Variants in CEP120 observed in about 807,000 individuals in gnomAD.
CEP120 encodes centrosomal protein of 120 kDa.
CEP120 carries 113 observed loss-of-function variants against 126.5 expected under a neutral mutation model. That is an observed-to-expected ratio of 0.89 (90% CI 0.77 to 1.04). CEP120 has a LOEUF of 1.04. CEP120 is among the 50% of genes least tolerant of loss of function. The pLI is 0.00. For missense variants in CEP120, 1,230 were observed against 1,155.7 expected, an observed-to-expected ratio of 1.06 and a Z score of -0.93; for synonymous variants, 400 against 394.3, an observed-to-expected ratio of 1.01 and a Z score of -0.17.
intron 9 of CEP120, among the ~76,000 whole-genome samples, chr5:123,388,039 GTAT>G (rs1772139705): frequency 2.1e-5 from 1 of 47,804 alleles, no homozygotes; most frequent in African/African-American, 8.2e-5. Flanking sequence ...ACTTTGACTA[GTAT>G]TATTATTACT....
At chr5:123,348,314 A>G (rs571516449) in intron 19 of CEP120, among the ~76,000 whole-genome samples, 3 of 152,326 alleles carry the variant, frequency 2.0e-5, no homozygotes, top group East Asian at 1.9e-4. Flanking sequence ...GGCAACATGG[A>G]TATCTTTAAC....
Position 123,423,007 on chromosome 5 carries a change from T to G in CEP120, c.-9A>C. ...TCGGATTTGGAGACCATGGTTGCGG[T>G]GAGCGGTCCGGGGGCGAAGGCGGCT... On this transcript the variant is annotated 5_prime_UTR_variant, in exon 1 of 20. Transcript: ENST00000306467. 1.2e-6 allele frequency: 2 copies of G among 1,613,872 alleles called. No individual in the cohort carries two copies. Among genetic ancestry groups the G allele is most frequent in the Non-Finnish European group, 8.5e-7 (1 of 1,179,882 alleles).
chr5:123,402,429 T>A (rs540877726), intron 4 of CEP120: 2 of 1,116,878 alleles, frequency 1.8e-6, no homozygotes, highest in South Asian at 4.8e-5. Context: ...CTGTTTTTTG[T>A]TTTTTATTGA....
At chr5:123,420,116 A>G (rs1332495471) in intron 1 of CEP120, among the ~76,000 whole-genome samples, 1 of 152,228 alleles carries the variant, frequency 6.6e-6, no homozygotes, top group African/African-American at 2.4e-5. Flanking sequence ...ATTAACACAC[A>G]TCGCACAGCT....
chr5:123,354,620 C>T (rs1374722966), intron 18 of CEP120, among the ~76,000 whole-genome samples: 1 of 151,946 alleles, frequency 6.6e-6, no homozygotes, highest in African/African-American at 2.4e-5. Context: ...GATTAACCCC[C>T]TTTTATAACT....
intron 9 of CEP120, 44 bp from the exon 10 acceptor site, chr5:123,386,711 T>C: frequency 7.7e-7 from 1 of 1,303,164 alleles, no homozygotes; most frequent in African/African-American, 1.6e-5. Context: ...CTTAATGATA[T>C]GGTTTACAGA....
At chr5:123,348,623 A>G (rs1472931505) in intron 19 of CEP120, among the ~76,000 whole-genome samples, 1 of 152,356 alleles carries the variant, frequency 6.6e-6, no homozygotes, top group African/African-American at 2.4e-5. Flanking sequence ...TAATATAGTG[A>G]CCACATTTTT....
At chr5:123,399,963 A>G (rs1172017489) in intron 4 of CEP120, among the ~76,000 whole-genome samples, 2 of 152,262 alleles carry the variant, frequency 1.3e-5, no homozygotes, top group African/African-American at 4.8e-5. Flanking sequence ...AACAAAAAAC[A>G]TACACAACTA....
At chr5:123,369,185 A>G (rs1359339619) in intron 17 of CEP120, among the ~76,000 whole-genome samples, 1 of 152,034 alleles carries the variant, frequency 6.6e-6, no homozygotes, top group African/African-American at 2.4e-5. Context: ...TCTCCTACTT[A>G]AAACCTTTCA....
intron 18 of CEP120, among the ~76,000 whole-genome samples, chr5:123,362,405 A>G (rs752186038): frequency 2.6e-5 from 4 of 151,744 alleles, no homozygotes; most frequent in Non-Finnish European, 4.4e-5. Flanking sequence ...ATTCATCAAA[A>G]GCTTTCAATG....
chr5:123,368,663 G>C (rs1046855977), intron 17 of CEP120, among the ~76,000 whole-genome samples: 3 of 151,840 alleles, frequency 2.0e-5, no homozygotes, highest in Non-Finnish European at 4.4e-5. Context: ...GTTTAGTTTT[G>C]GACATTCTGG....
chr5:123,399,005 T>C (rs562726712), intron 5 of CEP120, 131 bp downstream of exon 5: 5 of 579,732 alleles, frequency 8.6e-6, no homozygotes, highest in Middle Eastern at 4.1e-4. Flanking sequence ...AAAGAAAACA[T>C]GTTTTGAACT....
chr5:123,382,059 T>TATTATC (rs1403751924), intron 14 of CEP120, 52 bp downstream of exon 14: 2 of 1,221,484 alleles, frequency 1.6e-6, no homozygotes, highest in Non-Finnish European at 2.4e-6. Context: ...AAATACAAGA[T>TATTATC]ATTATCATTA....
chr5:123,405,568 G>A (rs1337331595), intron 4 of CEP120, among the ~76,000 whole-genome samples: 1 of 152,164 alleles, frequency 6.6e-6, no homozygotes, highest in Non-Finnish European at 1.5e-5. Context: ...TGCAAGGGAA[G>A]GGAATACACA....
At chr5:123,395,991 T>A (rs985843946) in intron 5 of CEP120, among the ~76,000 whole-genome samples, 6 of 78,580 alleles carry the variant, frequency 7.6e-5, no homozygotes, top group African/African-American at 3.4e-4. Flanking sequence ...CTCCATTCCT[T>A]TTTTTTTTTT....
chr5:123,359,874 T>TAAAC (rs1769941862), intron 18 of CEP120, among the ~76,000 whole-genome samples: 1 of 152,038 alleles, frequency 6.6e-6, no homozygotes, highest in South Asian at 2.1e-4. Context: ...AATCTCTGTT[T>TAAAC]AAACATTCTT....
chr5:123,382,146 T>G lies in CEP120; in HGVS notation c.2068A>C (p.Arg690=). ...ACTAGTGATTCTCTTTCTCGGTCCC[T>G]TTTCTTCCATTCCTCTGCAAGAGCC... is the stretch of plus-strand genomic sequence containing the variant. ...MQALAEEWKK[R]DRERESLVKK... is the part of the protein sequence containing the mutation. The change falls in exon 14 of 20, where the codon AGG becomes CGG. Residue 690 remains arginine (R), a synonymous_variant. Coordinates refer to ENST00000306467, the MANE Select transcript of CEP120 (RefSeq NM_001375405.1). 6.2e-7 allele frequency: 1 copy of G among 1,608,018 alleles called. No individual in the cohort carries two copies. Among genetic ancestry groups the G allele is most frequent in the Non-Finnish European group, 8.5e-7 (1 of 1,176,788 alleles).
At chr5:123,398,445 T>G (rs188867493) in intron 5 of CEP120, among the ~76,000 whole-genome samples, 5 of 152,306 alleles carry the variant, frequency 3.3e-5, no homozygotes, top group African/African-American at 1.2e-4. Context: ...TAAGGTAATG[T>G]GTCTTCCTGG....
chr5:123,405,650 T>C (rs11951973), intron 4 of CEP120, among the ~76,000 whole-genome samples: 66,772 of 151,814 alleles, frequency 0.44, 14,616 homozygotes, highest in East Asian at 0.47. Context: ...GAAGTTCAGA[T>C]CCAAGGGGCA....
Sources: gnomAD v4.1 joint callset for allele counts (sites outside exome capture counted in the v4.1 genomes callset) on GRCh38, gnomAD v4.1.1 for gene constraint, MANE v1.5 for transcripts, NCBI Gene and HGNC (gene_info 2026-07-23, HGNC 2026-07-21) for gene names.